KCNMB2: variants seen among roughly 807,000 people sequenced by gnomAD.
KCNMB2 encodes the protein potassium calcium-activated channel subfamily M regulatory beta subunit 2.
In KCNMB2, 9 loss-of-function variants were observed where a neutral mutation model predicts 24.5. The ratio of observed to expected loss-of-function variants is 0.37; its 90% confidence interval spans 0.22 to 0.64. The LOEUF (loss-of-function observed/expected upper bound fraction) is 0.64. Among genes scored for constraint, KCNMB2 ranks in the 30% least tolerant of loss-of-function variants. The pLI is 0.63. For missense variants in KCNMB2, 226 were observed against 284.3 expected (o/e 0.79, Z 1.47); for synonymous variants, 109 against 104.4 (o/e 1.04, Z -0.27).
At chr3:178,591,198 A>C (rs868502135) in intron 1 of KCNMB2, among the ~76,000 whole-genome samples, 1 of 152,140 alleles carries the variant, frequency 6.6e-6, no homozygotes, top group African/African-American at 2.4e-5. Context: ...TGGAAAAAAA[A>C]CCTCAAACAT....
chr3:178,827,264 T>C (rs1714871623), intron 3 of KCNMB2, among the ~76,000 whole-genome samples: 1 of 152,184 alleles, frequency 6.6e-6, no homozygotes, highest in Non-Finnish European at 1.5e-5. Flanking sequence ...AGTTGACCAA[T>C]GGGCAGCTGG....
rs1249315969 is a variant in KCNMB2, at chr3:178,843,948, G to A, written c.*1011G>A. 1.3e-5 allele frequency: 2 copies of A among 152,208 alleles called. No individual in the cohort carries two copies. Among genetic ancestry groups the A allele is most frequent in the Non-Finnish European group, 2.9e-5 (2 of 67,974 alleles). The allele number at this position is 152,208 out of a possible 1,614,324, so 9.4% of individuals were successfully genotyped here. On this transcript the variant is annotated 3_prime_UTR_variant, in exon 5 of 5. Transcript: ENST00000452583. ...TTCCCTATTGGGATTTTAAAGCTAT[G>A]TGCACAGAATATTAGTCTCTTCTAC...
At chr3:178,541,557 C>T (rs970001332) in intron 1 of KCNMB2, among the ~76,000 whole-genome samples, 6 of 152,276 alleles carry the variant, frequency 3.9e-5, no homozygotes, top group Admixed American at 2.0e-4. Context: ...ACCATTTATA[C>T]ATTTTTTCAA....
At chr3:178,646,687 A>C (rs1252104832) in intron 1 of KCNMB2, among the ~76,000 whole-genome samples, 1 of 152,216 alleles carries the variant, frequency 6.6e-6, no homozygotes, top group Non-Finnish European at 1.5e-5. Flanking sequence ...ATTCTCTGGC[A>C]TCAATCTCCC....
intron 1 of KCNMB2, among the ~76,000 whole-genome samples, chr3:178,715,176 C>A (rs995887639): frequency 2.0e-5 from 3 of 152,094 alleles, no homozygotes; most frequent in Admixed American, 6.6e-5. Context: ...GCAATGTGGG[C>A]TGATTATTGC....
chr3:178,778,341 G>T (rs988481821), intron 1 of KCNMB2, among the ~76,000 whole-genome samples: 12 of 151,966 alleles, frequency 7.9e-5, no homozygotes, highest in Non-Finnish European at 1.5e-4. Context: ...AAAAAAACAG[G>T]CTAAGACGGG....
chr3:178,612,740 T>C (rs767971879), intron 1 of KCNMB2, among the ~76,000 whole-genome samples: 3 of 152,138 alleles, frequency 2.0e-5, no homozygotes, highest in Non-Finnish European at 4.4e-5. Context: ...ACATTTAATA[T>C]TATTATTGAT....
intron 1 of KCNMB2, among the ~76,000 whole-genome samples, chr3:178,725,508 G>A (rs1034295926): frequency 6.6e-6 from 1 of 151,948 alleles, no homozygotes; most frequent in Non-Finnish European, 1.5e-5. Flanking sequence ...AAAGTCTCAG[G>A]ATAAAAATAG....
chr3:178,686,442 C>T (rs368943550), intron 1 of KCNMB2, among the ~76,000 whole-genome samples: 2 of 152,034 alleles, frequency 1.3e-5, no homozygotes, highest in East Asian at 1.9e-4. Flanking sequence ...CTCTCTGTGC[C>T]CTGTGTCTTT....
intron 1 of KCNMB2, among the ~76,000 whole-genome samples, chr3:178,591,457 A>G (rs996027177): frequency 2.0e-5 from 3 of 152,160 alleles, no homozygotes; most frequent in Non-Finnish European, 4.4e-5. Flanking sequence ...CCATTTTCTT[A>G]AAAACTTCTC....
At chr3:178,633,791 T>C (rs1719416580) in intron 1 of KCNMB2, among the ~76,000 whole-genome samples, 2 of 152,250 alleles carry the variant, frequency 1.3e-5, no homozygotes, top group South Asian at 4.1e-4. Context: ...AATATAAGTT[T>C]TTCTTTTCTA....
At chr3:178,669,981 T>C (rs1720845370) in intron 1 of KCNMB2, among the ~76,000 whole-genome samples, 1 of 152,052 alleles carries the variant, frequency 6.6e-6, no homozygotes, top group Non-Finnish European at 1.5e-5. Flanking sequence ...GGAGCTGGTT[T>C]TCATTGATTC....
intron 2 of KCNMB2, among the ~76,000 whole-genome samples, chr3:178,809,199 C>T (rs1714092415): frequency 1.3e-5 from 2 of 152,158 alleles, no homozygotes; most frequent in Non-Finnish European, 2.9e-5. Context: ...CATGCCAGGA[C>T]CAAATCCAAG....
chr3:178,659,851 T>A (rs1287266284), intron 1 of KCNMB2, among the ~76,000 whole-genome samples: 1 of 152,198 alleles, frequency 6.6e-6, no homozygotes, highest in Non-Finnish European at 1.5e-5. Context: ...ACTATTATTA[T>A]TATTATTATC....
chr3:178,578,906 C>A (rs548622031), intron 1 of KCNMB2, among the ~76,000 whole-genome samples: 44 of 152,230 alleles, frequency 2.9e-4, no homozygotes, highest in East Asian at 2.1e-3. Context: ...GAGACTAAGA[C>A]TTCCACACAA....
chr3:178,609,663 T>C (rs1718409760), intron 1 of KCNMB2, among the ~76,000 whole-genome samples: 2 of 151,820 alleles, frequency 1.3e-5, no homozygotes, highest in African/African-American at 2.4e-5. Flanking sequence ...TTTTGGCAGA[T>C]TGTCCCTCTG....
At chr3:178,771,019 A>C (rs1712328186) in intron 1 of KCNMB2, among the ~76,000 whole-genome samples, 2 of 152,216 alleles carry the variant, frequency 1.3e-5, no homozygotes, top group South Asian at 4.1e-4. Flanking sequence ...AAATCTAGTC[A>C]GTTATGTTTT....
intron 1 of KCNMB2, among the ~76,000 whole-genome samples, chr3:178,727,147 CA>C (rs1365917825): frequency 6.6e-6 from 1 of 151,950 alleles, no homozygotes; most frequent in Non-Finnish European, 1.5e-5. Flanking sequence ...TTTGAAATAC[CA>C]AGGAAATATC....
intron 1 of KCNMB2, among the ~76,000 whole-genome samples, chr3:178,625,159 C>G (rs1719067272): frequency 6.6e-6 from 1 of 152,084 alleles, no homozygotes; most frequent in African/African-American, 2.4e-5. Flanking sequence ...CACACACAGT[C>G]CCAGGAGCCA....
Sources: allele counts gnomAD v4.1 joint callset (sites outside exome capture counted in the v4.1 genomes callset), GRCh38; gene constraint gnomAD v4.1.1; transcripts MANE v1.5; gene names NCBI Gene and HGNC (gene_info 2026-07-23, HGNC 2026-07-21).